The following MAGI2 variants were observed in gnomAD, a reference collection of about 807,000 sequenced individuals.
MAGI2 encodes membrane-associated guanylate kinase, WW and PDZ domain-containing protein 2.
Under a neutral mutation model 133.3 loss-of-function variants are expected in MAGI2, and 35 were observed. That is an observed-to-expected ratio of 0.26 (90% confidence interval 0.20 to 0.35). The LOEUF (loss-of-function observed/expected upper bound fraction) is 0.35. MAGI2 is among the 10% of genes least tolerant of loss of function. MAGI2 has a pLI of 1.00. For missense variants in MAGI2, 1,636 were observed against 1,863.4 expected (o/e 0.88, Z 2.25); for synonymous variants, 729 against 710.6 (o/e 1.03, Z -0.41).
intron 2 of MAGI2, among the ~76,000 whole-genome samples, chr7:78,915,544 C>G (rs1286876285): frequency 6.6e-6 from 1 of 151,856 alleles, no homozygotes; most frequent in Non-Finnish European, 1.5e-5. Context: ...TGAATGACCT[C>G]TAGGTATAAA....
At chr7:79,031,924 T>G (rs910292727) in intron 1 of MAGI2, among the ~76,000 whole-genome samples, 45 of 152,122 alleles carry the variant, frequency 3.0e-4, no homozygotes, top group African/African-American at 1.0e-3. Flanking sequence ...AAAATAATCC[T>G]TACTATTTTC....
intron 2 of MAGI2, among the ~76,000 whole-genome samples, chr7:78,719,861 G>A (rs1820094223): frequency 6.6e-6 from 1 of 152,126 alleles, no homozygotes; most frequent in South Asian, 2.1e-4. Context: ...CTTGAAATAA[G>A]TAAAAAGTTT....
At chr7:79,214,403 CTCTCTATATATATATA>C (rs1195785128) in intron 1 of MAGI2, among the ~76,000 whole-genome samples, 24 of 41,450 alleles carry the variant, frequency 5.8e-4, no homozygotes, top group East Asian at 8.7e-4. Context: ...CTCTCTCTCT[CTCTCTATATATATATA>C]TATATATATA....
At chr7:78,419,868 T>A (rs944918681) in intron 6 of MAGI2, among the ~76,000 whole-genome samples, 1 of 152,072 alleles carries the variant, frequency 6.6e-6, no homozygotes, top group African/African-American at 2.4e-5. Context: ...GAGAGTAGCA[T>A]TGAAGAACCA....
intron 3 of MAGI2, among the ~76,000 whole-genome samples, chr7:78,599,865 G>A (rs997562201): frequency 1.3e-5 from 2 of 152,064 alleles, no homozygotes; most frequent in Admixed American, 6.6e-5. Flanking sequence ...TCCTATCTGG[G>A]GATGTCATAG....
intron 20 of MAGI2, among the ~76,000 whole-genome samples, chr7:78,092,790 C>T (rs192281754): frequency 7.2e-6 from 1 of 138,246 alleles, no homozygotes; most frequent in Admixed American, 7.0e-5. Context: ...CTTGGATAAT[C>T]AGCCATTTCA....
In MAGI2 at chr7:79,052,144, C is replaced by T. The variant is rs192747576; in HGVS notation, c.302-44938G>A. 5.8e-4 allele frequency among the ~76,000 whole-genome samples: 88 copies of T among 152,172 alleles called. 2 individuals carry two copies. The highest frequency in any genetic ancestry group is 9.7e-4 in the East Asian group (5 of 5,170). On this transcript the variant is annotated intron_variant, in intron 1 of 21. Coordinates refer to ENST00000354212, the MANE Select transcript of MAGI2 (RefSeq NM_012301.4). ...CAGAAGACACACAGAGAAACAGCAGCAGAAACCATGCTAAGTGTGAACCAT... is the reference window on the plus strand; with the variant it reads ...CAGAAGACACACAGAGAAACAGCAGTAGAAACCATGCTAAGTGTGAACCAT...
At chr7:78,408,930 C>T (rs533525250) in intron 6 of MAGI2, among the ~76,000 whole-genome samples, 10 of 152,096 alleles carry the variant, frequency 6.6e-5, no homozygotes, top group African/African-American at 1.4e-4. Context: ...AATACTACTA[C>T]AGACCATCTA....
chr7:79,004,936 G>T (rs1050472667), intron 2 of MAGI2, among the ~76,000 whole-genome samples: 1 of 152,020 alleles, frequency 6.6e-6, no homozygotes, highest in Admixed American at 6.6e-5. Context: ...TACAAAATTA[G>T]CCGGGCATGG....
intron 3 of MAGI2, among the ~76,000 whole-genome samples, chr7:78,566,947 G>T (rs1274239850): frequency 6.6e-6 from 1 of 152,092 alleles, no homozygotes; most frequent in East Asian, 1.9e-4. Flanking sequence ...TTTAGATATG[G>T]AAAGTAATCA....
At chr7:79,314,029 A>T in intron 1 of MAGI2, among the ~76,000 whole-genome samples, 1 of 152,110 alleles carries the variant, frequency 6.6e-6, no homozygotes. Context: ...GCTGGAATGC[A>T]GTGACGCAAT....
intron 2 of MAGI2, among the ~76,000 whole-genome samples, chr7:78,942,407 T>G (rs1411891888): frequency 6.6e-6 from 1 of 152,174 alleles, no homozygotes; most frequent in Non-Finnish European, 1.5e-5. Flanking sequence ...AATAAGTTTA[T>G]TTTTGTTTAA....
At chr7:78,790,990 C>A (rs1827200184) in intron 2 of MAGI2, among the ~76,000 whole-genome samples, 1 of 152,042 alleles carries the variant, frequency 6.6e-6, no homozygotes, top group South Asian at 2.1e-4. Flanking sequence ...GTCAAACAGT[C>A]TATAAAACAA....
intron 6 of MAGI2, among the ~76,000 whole-genome samples, chr7:78,386,687 G>C (rs1299319159): frequency 6.6e-6 from 1 of 152,144 alleles, no homozygotes; most frequent in Non-Finnish European, 1.5e-5. Context: ...GTAACAACTG[G>C]ACTGTGTGTA....
intron 7 of MAGI2, chr7:78,351,898 T>A (rs772117451): frequency 6.6e-6 from 1 of 152,130 alleles, no homozygotes; most frequent in Non-Finnish European, 1.5e-5. Context: ...CAGGATAGTA[T>A]AATTATGAAC....
At chr7:78,613,556 A>G (rs1364191003) in intron 3 of MAGI2, among the ~76,000 whole-genome samples, 1 of 152,258 alleles carries the variant, frequency 6.6e-6, no homozygotes, top group Non-Finnish European at 1.5e-5. Flanking sequence ...AAGAAAGCAA[A>G]GCATAAAGTA....
chr7:78,128,011 G>T (rs569238866), intron 18 of MAGI2, among the ~76,000 whole-genome samples: 22 of 152,232 alleles, frequency 1.4e-4, no homozygotes, highest in African/African-American at 5.1e-4. Context: ...AAACCAAGTG[G>T]CAAGTCATTG....
At chr7:79,270,553 AG>A in intron 1 of MAGI2, among the ~76,000 whole-genome samples, 1 of 152,266 alleles carries the variant, frequency 6.6e-6, no homozygotes, top group African/African-American at 2.4e-5. Flanking sequence ...TAGGCAAGAT[AG>A]GGGATACAAA....
In MAGI2 at chr7:78,548,465, C is replaced by A. The variant is rs1468104724; in HGVS notation, c.539-26820G>T. ...AATCCCAGCACTTTGGAGGCCAAGG[C>A]AGGAGGATCACTTGAGGTCAGGAAT... On this transcript the variant is annotated intron_variant, in intron 3 of 21. Transcript: ENST00000354212. Among the ~76,000 whole-genome samples the A allele has an allele frequency of 2.0e-5, 3 of 152,098 alleles. No homozygotes were observed. In the East Asian group the frequency reaches 5.8e-4, roughly 29 times the overall value.
Sources: allele counts gnomAD v4.1 joint callset (sites outside exome capture counted in the v4.1 genomes callset), GRCh38; gene constraint gnomAD v4.1.1; transcripts MANE v1.5; gene names NCBI Gene and HGNC (gene_info 2026-07-23, HGNC 2026-07-21).